Variants in SNX8 observed in about 807,000 individuals in gnomAD.
SNX8 encodes sorting nexin-8.
In SNX8, 25 loss-of-function variants were observed where a neutral mutation model predicts 51.6. The ratio of observed to expected loss-of-function variants is 0.48; its 90% CI spans 0.35 to 0.68. SNX8 has a LOEUF of 0.68. Among genes scored for constraint, SNX8 ranks in the 30% least tolerant of loss-of-function variants. The pLI is 0.00. For missense variants in SNX8, 695 were observed against 624.0 expected (o/e 1.11, Z -1.21); for synonymous variants, 324 against 277.0 (o/e 1.17, Z -1.68).
At position 2,271,855 on chromosome 7, in the gene SNX8, C is replaced by T. The variant is rs764318249; in HGVS notation, c.535G>A (p.Gly179Ser). 1.7e-5 allele frequency: 27 copies of T among 1,607,196 alleles called. No individual in the cohort carries two copies. Among genetic ancestry groups the T allele is most frequent in the Non-Finnish European group, 7.6e-6 (9 of 1,177,100 alleles). The stretch of plus-strand genomic sequence containing the variant: ...GGCAGGGCAGACACACTCACCGAGC[C>T]GCTGAAGGACAGGAAGAGCTTGAGG... ...VVLKLFLSFSGSDVQNKLKES... is the reference protein window; with the variant it reads ...VVLKLFLSFSSSDVQNKLKES... Residue 179 changes from glycine (G) to serine (S), a missense_variant, in exon 4 of 11, where the codon GGC (glycine) becomes AGC (serine). Transcript: ENST00000222990.
chr7:2,289,359 A>G (rs894969440), intron 1 of SNX8, among the ~76,000 whole-genome samples: 5 of 152,186 alleles, frequency 3.3e-5, no homozygotes, highest in African/African-American at 4.8e-5. Context: ...CGGGATCTGC[A>G]TATGTTCAGC....
chr7:2,289,321 C>T (rs144395211), intron 1 of SNX8, among the ~76,000 whole-genome samples: 66 of 152,314 alleles, frequency 4.3e-4, no homozygotes, highest in African/African-American at 1.5e-3. Flanking sequence ...GGCTCCATAA[C>T]ATATCTACAA....
chr7:2,274,822 AGAG>A (rs760143043), intron 3 of SNX8: 2 of 369,646 alleles, frequency 5.4e-6, no homozygotes, highest in South Asian at 3.9e-5. Flanking sequence ...TGCACTCTGG[AGAG>A]GAGAACTAGG....
chr7:2,308,904 C>T (rs1212672101), intron 1 of SNX8, among the ~76,000 whole-genome samples: 1 of 151,682 alleles, frequency 6.6e-6, no homozygotes, highest in African/African-American at 2.4e-5. Flanking sequence ...ATTCTCCCAC[C>T]TCAGCCTCCC....
upstream of SNX8, chr7:2,314,585 C>CGCCACGCCTACAACCCGCCTA (rs1239286446): frequency 1.1e-5 from 7 of 642,466 alleles, no homozygotes; most frequent in Admixed American, 1.1e-4. Context: ...CGCCCGGCCT[C>CGCCACGCCTACAACCCGCCTA]GCCACGCCTA....
At chr7:2,304,086 G>T (rs1796484289) in intron 1 of SNX8, among the ~76,000 whole-genome samples, 2 of 149,814 alleles carry the variant, frequency 1.3e-5, no homozygotes, top group Admixed American at 1.3e-4. Flanking sequence ...AGAATGGCAT[G>T]AATCCAGGAG....
intron 1 of SNX8, among the ~76,000 whole-genome samples, chr7:2,288,739 G>C (rs945139875): frequency 6.6e-6 from 1 of 151,954 alleles, no homozygotes; most frequent in Non-Finnish European, 1.5e-5. Flanking sequence ...CCTGTTTTGG[G>C]GTTTTTGTTT....
chr7:2,298,239 TCC>T (rs1400907293), intron 1 of SNX8, among the ~76,000 whole-genome samples: 1 of 151,980 alleles, frequency 6.6e-6, no homozygotes. Context: ...TGCCTCAGAC[TCC>T]CGAGTAGCCG....
chr7:2,341,755 C>T (rs1295938064), intron 1 of SNX8, among the ~76,000 whole-genome samples: 3 of 151,714 alleles, frequency 2.0e-5, no homozygotes, highest in East Asian at 2.0e-4. Context: ...TGGAGGCTGA[C>T]GCAGGCAGAT....
chr7:2,350,519 C>A (rs1312698807), intron 1 of SNX8, among the ~76,000 whole-genome samples: 1 of 152,212 alleles, frequency 6.6e-6, no homozygotes, highest in African/African-American at 2.4e-5. Context: ...AAGCTTACCC[C>A]TGGGCCGAGC....
chr7:2,334,529 CT>C (rs1406603628), intron 1 of SNX8, among the ~76,000 whole-genome samples: 3 of 152,026 alleles, frequency 2.0e-5, no homozygotes, highest in African/African-American at 7.2e-5. Context: ...GAAACACTGT[CT>C]CTGCTAAAAA....
At chr7:2,303,126 C>T (rs1369847604) in intron 1 of SNX8, among the ~76,000 whole-genome samples, 3 of 146,392 alleles carry the variant, frequency 2.0e-5, no homozygotes, top group South Asian at 4.4e-4. Context: ...GCCCCCCGCC[C>T]GGCCAGCCGC....
chr7:2,340,363 T>C (rs555422281), intron 1 of SNX8, among the ~76,000 whole-genome samples: 118 of 151,412 alleles, frequency 7.8e-4, no homozygotes, highest in African/African-American at 2.7e-3. Context: ...TGACCCACCA[T>C]GCCCGGCCTA....
At chr7:2,260,205 C>G (rs1304442265) in intron 7 of SNX8, among the ~76,000 whole-genome samples, 3 of 152,136 alleles carry the variant, frequency 2.0e-5, no homozygotes, top group African/African-American at 7.2e-5. Context: ...AAGCGATTCT[C>G]TCCTGCCTCA....
intron 1 of SNX8, among the ~76,000 whole-genome samples, chr7:2,319,501 C>T (rs919937343): frequency 2.0e-5 from 3 of 150,048 alleles, no homozygotes; most frequent in South Asian, 2.1e-4. Flanking sequence ...AAAACCCCAT[C>T]TCTACTAAAA....
At position 2,263,344 on chromosome 7, in the gene SNX8, C is replaced by T. The variant is rs1422955666; in HGVS notation, c.801G>A (p.Thr267=). ...GAGCGGCCCAGGAGGGCAGCGGGGT[C>T]GTGTCAGACCCTATTGCACTGAGGG... The part of the protein sequence containing the change: ...GKELSAIGSD[T]TPLPSWAALN... The change falls in exon 7 of 11, where the codon ACG becomes ACA. Residue 267 remains threonine (T), a synonymous_variant. Transcript: ENST00000222990. 3.1e-6 allele frequency: 5 copies of T among 1,606,392 alleles called. No homozygotes were observed. The highest frequency in any genetic ancestry group is 1.3e-5 in the African/African-American group (1 of 74,788).
At chr7:2,339,621 A>AT (rs545964757) in intron 1 of SNX8, among the ~76,000 whole-genome samples, 12 of 151,940 alleles carry the variant, frequency 7.9e-5, no homozygotes, top group African/African-American at 1.4e-4. Context: ...TGTAATTTCC[A>AT]TTTTTTTTGA....
intron 5 of SNX8, among the ~76,000 whole-genome samples, chr7:2,265,625 C>T (rs886768009): frequency 6.6e-6 from 1 of 151,996 alleles, no homozygotes; most frequent in Admixed American, 6.6e-5. Context: ...AGCCTGGGGA[C>T]CCTGTCCCCA....
chr7:2,343,413 C>T (rs1388540923), intron 1 of SNX8, among the ~76,000 whole-genome samples: 1 of 152,028 alleles, frequency 6.6e-6, no homozygotes, highest in African/African-American at 2.4e-5. Context: ...TGGTGGCTCA[C>T]GCCTGTAATC....
Sources: allele counts gnomAD v4.1 joint callset (sites outside exome capture counted in the v4.1 genomes callset), GRCh38; gene constraint gnomAD v4.1.1; transcripts MANE v1.5; gene names NCBI Gene and HGNC (gene_info 2026-07-23, HGNC 2026-07-21).